Variants in EAF2 observed in about 807,000 individuals in gnomAD.
EAF2 encodes the protein ELL associated factor 2.
A neutral mutation model predicts 29.4 loss-of-function variants in EAF2; 29 were observed. The ratio of observed to expected loss-of-function variants is 0.99; its 90% CI spans 0.73 to 1.35. The LOEUF is 1.35. EAF2 is among the 40% of genes most tolerant of loss of function. EAF2 has a pLI of 0.00. For missense variants in EAF2, 292 were observed against 312.0 expected (o/e 0.94, Z 0.48); for synonymous variants, 103 against 102.5 (o/e 1.00, Z -0.03).
chr3:121,858,527 T>C (rs1708765476), intron 4 of EAF2, among the ~76,000 whole-genome samples: 1 of 152,252 alleles, frequency 6.6e-6, no homozygotes, highest in South Asian at 2.1e-4. Flanking sequence ...TTTGTTTTTT[T>C]CTTGTAAATT....
intron 1 of EAF2, among the ~76,000 whole-genome samples, chr3:121,840,505 AAAAG>A (rs1261629925): frequency 0.061 from 4,316 of 71,104 alleles, 352 homozygotes; most frequent in Non-Finnish European, 0.093. Flanking sequence ...AAAAAAAAAA[AAAAG>A]AAAAAAAAAA....
intron 2 of EAF2, among the ~76,000 whole-genome samples, chr3:121,852,980 TA>T (rs1196201418): frequency 6.6e-6 from 1 of 152,188 alleles, no homozygotes; most frequent in African/African-American, 2.4e-5. Flanking sequence ...AGATGTAGTT[TA>T]TTAGTAATGA....
chr3:121,835,508 C>T lies in EAF2; in HGVS notation c.106+117C>T, dbSNP rs572027445. On this transcript the variant is annotated intron_variant, in intron 1 of 5. Coordinates refer to ENST00000273668, the MANE Select transcript of EAF2 (RefSeq NM_018456.6). ...CCTTACACTGTTGGAGACTACGGGGCGGGGAGGGGGGAGGCAGCGCGATCC... is the reference window on the plus strand; with the variant it reads ...CCTTACACTGTTGGAGACTACGGGGTGGGGAGGGGGGAGGCAGCGCGATCC... 44 of 882,416 alleles carry T rather than the reference C, an allele frequency of 5.0e-5. No individual in the cohort carries two copies. In the Admixed American group the frequency reaches 9.3e-4, roughly 19 times the overall value. The allele number at this position is 882,416 out of a possible 1,614,324, so 54.7% of individuals were successfully genotyped here. A position where few individuals can be genotyped will look rare whatever the true frequency, so the allele number is the denominator to read the frequency against.
intron 2 of EAF2, among the ~76,000 whole-genome samples, chr3:121,853,861 A>T (rs990102895): frequency 1.3e-5 from 2 of 152,170 alleles, no homozygotes; most frequent in African/African-American, 4.8e-5. Context: ...GTGTACTTTC[A>T]TATGACATCA....
chr3:121,835,517 G>T, intron 1 of EAF2, 126 bp downstream of exon 1: 1 of 836,400 alleles, frequency 1.2e-6, no homozygotes, highest in Non-Finnish European at 1.9e-6. Flanking sequence ...GCGGGGAGGG[G>T]GGAGGCAGCG....
intron 3 of EAF2, among the ~76,000 whole-genome samples, chr3:121,856,190 AAG>A (rs1708713351): frequency 6.6e-6 from 1 of 152,294 alleles, no homozygotes; most frequent in Admixed American, 6.5e-5. Flanking sequence ...GAAACTTTAG[AAG>A]TGATTTAGTT....
intron 2 of EAF2, among the ~76,000 whole-genome samples, chr3:121,848,557 A>C (rs554415176): frequency 1.4e-3 from 210 of 150,190 alleles, no homozygotes; most frequent in Middle Eastern, 3.4e-3. Flanking sequence ...CTTCTATGAA[A>C]TTTTTGTCCC....
chr3:121,881,738 T>C (rs1709193920), intron 5 of EAF2, among the ~76,000 whole-genome samples: 1 of 152,102 alleles, frequency 6.6e-6, no homozygotes, highest in Admixed American at 6.5e-5. Context: ...CTCGAACTCC[T>C]GAGCTCAGGC....
At chr3:121,885,482 T>C (rs1381117257) in intron 5 of EAF2, among the ~76,000 whole-genome samples, 1 of 152,218 alleles carries the variant, frequency 6.6e-6, no homozygotes, top group Admixed American at 6.5e-5. Flanking sequence ...CATTACATTT[T>C]CAAACAAAAT....
chr3:121,837,496 A>G lies in EAF2; in HGVS notation c.106+2105A>G, dbSNP rs139214522. The G allele has an allele frequency of 2.3e-3, 350 of 152,296 alleles. 3 individuals are homozygous for G. The highest frequency in any genetic ancestry group is 8.0e-3 in the African/African-American group (333 of 41,578). The allele number at this position is 152,296 out of a possible 1,614,324, so 9.4% of individuals were successfully genotyped here. ...GAATCCTGGTCTCCACCACCTATAT[A>G]TATAATGTGACTTTGGGAACATTCT... On this transcript the variant is annotated intron_variant, in intron 1 of 5. Coordinates refer to ENST00000273668, the MANE Select transcript of EAF2 (RefSeq NM_018456.6).
At position 121,843,554 on chromosome 3, in the gene EAF2, A is replaced by G. The variant is rs1025131396; in HGVS notation, c.107-899A>G. Among the ~76,000 whole-genome samples, 17 of 152,244 alleles carry G rather than the reference A, an allele frequency of 1.1e-4. 1 individual carries two copies. The highest frequency in any genetic ancestry group is 8.5e-4 in the Admixed American group (13 of 15,298). On this transcript the variant is annotated intron_variant, in intron 1 of 5. Transcript: ENST00000273668. ...TAATTTTTGTTCTCTTTTGCATTAT[A>G]CCATATTTTAATAAGGAGCTAATGT...
At chr3:121,876,287 T>C (rs765559071) in intron 5 of EAF2, among the ~76,000 whole-genome samples, 3 of 151,962 alleles carry the variant, frequency 2.0e-5, no homozygotes, top group Admixed American at 6.6e-5. Flanking sequence ...TAGAATTTTA[T>C]ACCCAAACAC....
chr3:121,864,165 T>C (rs1708883574), intron 4 of EAF2, among the ~76,000 whole-genome samples: 1 of 152,188 alleles, frequency 6.6e-6, no homozygotes. Context: ...AGCTGCAGTG[T>C]GGGTTATCAA....
chr3:121,879,908 T>C (rs1709164262), intron 5 of EAF2, among the ~76,000 whole-genome samples: 1 of 152,134 alleles, frequency 6.6e-6, no homozygotes, highest in African/African-American at 2.4e-5. Flanking sequence ...GTTTTTTTTG[T>C]ATCTGTGAAG....
intron 1 of EAF2, among the ~76,000 whole-genome samples, chr3:121,841,029 A>C (rs1708411292): frequency 6.6e-6 from 1 of 152,188 alleles, no homozygotes; most frequent in Non-Finnish European, 1.5e-5. Context: ...GCAGACCATA[A>C]GGTGTTCCAG....
intron 4 of EAF2, among the ~76,000 whole-genome samples, chr3:121,863,263 CT>C (rs1285377058): frequency 6.6e-6 from 1 of 152,208 alleles, no homozygotes; most frequent in Non-Finnish European, 1.5e-5. Flanking sequence ...TTTCTGCTGC[CT>C]TTTGTTCAGC....
chr3:121,886,123 T>C (rs1203811544), intron 5 of EAF2, among the ~76,000 whole-genome samples: 1 of 152,144 alleles, frequency 6.6e-6, no homozygotes, highest in Admixed American at 6.5e-5. Flanking sequence ...CTAAAATAGA[T>C]GCCAGGAAAT....
At chr3:121,863,917 T>C (rs1035104513) in intron 4 of EAF2, among the ~76,000 whole-genome samples, 1 of 152,160 alleles carries the variant, frequency 6.6e-6, no homozygotes, top group Admixed American at 6.5e-5. Flanking sequence ...TTTTTGGCAA[T>C]TGTGATGACT....
chr3:121,862,123 A>T (rs548283733), intron 4 of EAF2, among the ~76,000 whole-genome samples: 6 of 152,232 alleles, frequency 3.9e-5, no homozygotes, highest in African/African-American at 9.6e-5. Flanking sequence ...TCATTTCAAC[A>T]TTGGTGAATC....
Sources: allele counts gnomAD v4.1 joint callset (sites outside exome capture counted in the v4.1 genomes callset), GRCh38; gene constraint gnomAD v4.1.1; transcripts MANE v1.5; gene names NCBI Gene and HGNC (gene_info 2026-07-23, HGNC 2026-07-21).